The following TRIM4 variants were observed in gnomAD, a reference collection of about 807,000 sequenced individuals.
The protein encoded by TRIM4 is E3 ubiquitin-protein ligase TRIM4.
TRIM4 carries 29 observed loss-of-function variants against 33.7 expected under a neutral mutation model. The ratio of observed to expected loss-of-function variants is 0.86; its 90% confidence interval spans 0.64 to 1.17. The LOEUF (loss-of-function observed/expected upper bound fraction) is 1.17. Ranked by LOEUF, TRIM4 falls within the 50% of genes most tolerant of loss-of-function variation. The pLI, the probability that TRIM4 is intolerant of heterozygous loss-of-function variation, is 0.00. For missense variants in TRIM4, 554 were observed against 593.7 expected (o/e 0.93, Z 0.69); for synonymous variants, 224 against 233.0 (o/e 0.96, Z 0.35).
At chr7:99,899,674 G>T (rs1487652178) in intron 5 of TRIM4, among the ~76,000 whole-genome samples, 3 of 152,202 alleles carry the variant, frequency 2.0e-5, no homozygotes, top group South Asian at 2.1e-4. Context: ...TATTTTGTCT[G>T]TTGAAATAGT....
chr7:99,892,267 G>A lies in TRIM4; in HGVS notation c.1321C>T (p.His441Tyr), dbSNP rs561528559. ...GAAGAACAAGAAAAGGTGTGCAGGT[G>A]CACTCCGTCCACAGCGCTGTAGAAG... ...VSFYSAVDGV[H>Y]LHTFSCSSVS... Residue 441 changes from histidine (H) to tyrosine (Y), a missense_variant, in exon 6 of 6, where the codon CAC (histidine) becomes TAC (tyrosine). Coordinates refer to ENST00000349062, the MANE Select transcript of TRIM4 (RefSeq NM_033091.3). The A allele has an allele frequency of 6.2e-7, 1 of 1,614,172 alleles. No individual in the cohort carries two copies. Among genetic ancestry groups the A allele is most frequent in the African/African-American group, 1.3e-5 (1 of 75,044 alleles).
chr7:99,912,305 T>C (rs1226174854), intron 1 of TRIM4, among the ~76,000 whole-genome samples: 1 of 152,090 alleles, frequency 6.6e-6, no homozygotes, highest in Non-Finnish European at 1.5e-5. Context: ...CCAAGGCAGG[T>C]GGACAGCTTG....
rs1279832471 is a variant in TRIM4 at position 99,892,328 on chromosome 7, C to A, written c.1260G>T (p.Val420=). The change falls in exon 6 of 6, where the codon GTG becomes GTT. Residue 420 remains valine, a synonymous_variant. Transcript: ENST00000349062. ...PTQQEPALHR[V]GVYLDRGTGN... is the part of the protein sequence containing the mutation. The stretch of plus-strand genomic sequence containing the variant: ...CAGTCCCACGATCCAGGTAAACCCC[C>A]ACTCGGTGGAGAGCTGGCTCTTGCT... 1.3e-5 allele frequency: 21 copies of A among 1,614,194 alleles called. No individual in the cohort carries two copies. The highest frequency in any genetic ancestry group is 2.2e-5 in the East Asian group (1 of 44,872).
chr7:99,891,222 G>A lies in TRIM4; in HGVS notation c.*941C>T, dbSNP rs1818885684. On this transcript the variant is annotated 3_prime_UTR_variant, in exon 6 of 6. Coordinates refer to ENST00000349062, the MANE Select transcript of TRIM4 (RefSeq NM_033091.3). The stretch of plus-strand genomic sequence containing the variant: ...AATAAAGGGAGAGTAGATAAGAACT[G>A]GATTTTAATCCCAACACTGCCATTT... The A allele has an allele frequency of 1.3e-5, 2 of 152,154 alleles. No homozygotes were observed. The highest frequency in any genetic ancestry group is 4.1e-4 in the South Asian group (2 of 4,830). The allele number at this position is 152,154 out of a possible 1,614,324, so 9.4% of individuals were successfully genotyped here.
intron 1 of TRIM4, among the ~76,000 whole-genome samples, chr7:99,917,124 G>C (rs1819573686): frequency 6.6e-6 from 1 of 152,194 alleles, no homozygotes. Flanking sequence ...TCACTCCTCA[G>C]TGATCACTCC....
chr7:99,907,106 ATC>A (rs1819323694), intron 3 of TRIM4, among the ~76,000 whole-genome samples: 1 of 152,100 alleles, frequency 6.6e-6, no homozygotes, highest in African/African-American at 2.4e-5. Context: ...TTCTAGTTTC[ATC>A]TGTTTGTTTT....
chr7:99,919,238 G>A lies in TRIM4; in HGVS notation c.164C>T (p.Pro55Leu). The change falls in exon 1 of 6, where the codon CCA becomes CTA. Residue 55 changes from proline to leucine, a missense_variant. Pro to Leu is a moderately conservative substitution (Grantham distance 98). Around this residue, in one of 3 missense-constraint regions of TRIM4, gnomAD observed 233 missense variants for 203.1 expected, o/e 1.15. Transcript: ENST00000349062. The part of the protein sequence containing the change: ...GPFPCPECRH[P>L]SAPAALRPNW... ...GGGTCGCAGCGCGGCGGGCGCCGAT[G>A]GGTGCCGACATTCGGGGCAGGGGAA... The A allele has an allele frequency of 3.9e-6, 6 of 1,531,726 alleles. No homozygotes were observed. Among genetic ancestry groups the A allele is most frequent in the South Asian group, 1.2e-5 (1 of 82,800 alleles). 94.9% of individuals were successfully genotyped at this position (1,531,726 alleles called of 1,614,324 possible).
intron 1 of TRIM4, chr7:99,917,968 A>T (rs1211102426): frequency 2.8e-5 from 12 of 425,166 alleles, no homozygotes; most frequent in Non-Finnish European, 3.8e-5. Context: ...AGAGTAAGGT[A>T]AAGTGATTTA....
intron 5 of TRIM4, chr7:99,901,705 G>C (rs1819171571): frequency 6.2e-6 from 1 of 162,424 alleles, no homozygotes; most frequent in Non-Finnish European, 1.3e-5. Flanking sequence ...TGGTGTGGCT[G>C]ATAGGAACTG....
chr7:99,915,089 C>T (rs572113308), intron 1 of TRIM4, among the ~76,000 whole-genome samples: 3 of 152,312 alleles, frequency 2.0e-5, no homozygotes, highest in East Asian at 3.9e-4. Context: ...GGATTACAGG[C>T]GTGAGCCACT....
At chr7:99,918,891 G>A in intron 1 of TRIM4, 118 bp downstream of exon 1, 2 of 1,279,062 alleles carry the variant, frequency 1.6e-6, no homozygotes, top group Admixed American at 3.3e-5. Flanking sequence ...GAGTTTCAGG[G>A]GCTTTTCATG....
intron 1 of TRIM4, among the ~76,000 whole-genome samples, chr7:99,918,365 G>A (rs964796005): frequency 2.0e-5 from 3 of 152,112 alleles, no homozygotes; most frequent in Non-Finnish European, 2.9e-5. Flanking sequence ...TCAGCAGTTC[G>A]AGACCAGCCT....
At chr7:99,899,860 A>T (rs192181427) in intron 5 of TRIM4, among the ~76,000 whole-genome samples, 81 of 152,262 alleles carry the variant, frequency 5.3e-4, no homozygotes, top group African/African-American at 1.9e-3. Flanking sequence ...GTGCAATCAC[A>T]GCTCACTGCG....
intron 3 of TRIM4, among the ~76,000 whole-genome samples, chr7:99,907,736 G>A (rs1009398390): frequency 2.6e-5 from 4 of 152,128 alleles, no homozygotes; most frequent in Non-Finnish European, 5.9e-5. Flanking sequence ...GGTGGGTCCA[G>A]GTTTCTGACT....
intron 1 of TRIM4, chr7:99,918,020 C>T (rs1245467053): frequency 2.2e-5 from 4 of 184,654 alleles, no homozygotes; most frequent in Non-Finnish European, 4.1e-5. Flanking sequence ...GACAGATAAT[C>T]CCCAAATTCA....
chr7:99,913,566 G>A (rs1230313265), intron 1 of TRIM4, among the ~76,000 whole-genome samples: 2 of 152,064 alleles, frequency 1.3e-5, no homozygotes, highest in Non-Finnish European at 2.9e-5. Flanking sequence ...AGCTACTCAG[G>A]AAGCTGAGGC....
intron 3 of TRIM4, among the ~76,000 whole-genome samples, chr7:99,904,784 C>A (rs1819258967): frequency 6.6e-6 from 1 of 152,146 alleles, no homozygotes; most frequent in Non-Finnish European, 1.5e-5. Context: ...GTAATCCCAG[C>A]ACTTTGGGAG....
intron 1 of TRIM4, among the ~76,000 whole-genome samples, chr7:99,914,759 T>C (rs1256826684): frequency 1.3e-5 from 2 of 152,108 alleles, no homozygotes; most frequent in East Asian, 3.9e-4. Flanking sequence ...TGTCACCTCC[T>C]AAGAGAAGAC....
intron 3 of TRIM4, among the ~76,000 whole-genome samples, chr7:99,907,261 G>GT (rs1422829593): frequency 6.6e-6 from 1 of 152,160 alleles, no homozygotes; most frequent in Non-Finnish European, 1.5e-5. Flanking sequence ...GAGATTACAG[G>GT]TATGTGCCAC....
Sources: allele counts gnomAD v4.1 joint callset (sites outside exome capture counted in the v4.1 genomes callset), GRCh38; gene constraint gnomAD v4.1.1; regional missense constraint gnomAD v4.1.1; transcripts MANE v1.5; gene names NCBI Gene and HGNC (gene_info 2026-07-23, HGNC 2026-07-21).